PLCH2: variants seen among roughly 807,000 people sequenced by gnomAD.
PLCH2 encodes the protein phospholipase C eta 2.
PLCH2 carries 98 observed loss-of-function variants against 134.7 expected under a neutral mutation model. The observed-to-expected ratio is 0.73, with a 90% CI of 0.62 to 0.86. The LOEUF is 0.86. Among genes scored for constraint, PLCH2 ranks in the 40% least tolerant of loss-of-function variants. PLCH2 has a pLI of 0.00. For missense variants in PLCH2, 1,994 were observed against 1,986.6 expected, an observed-to-expected ratio of 1.00 and a Z score of -0.07; for synonymous variants, 974 against 827.5, an observed-to-expected ratio of 1.18 and a Z score of -3.04.
At chr1:2,476,773 G>A in intron 1 of PLCH2, 61 bp downstream of exon 1, 1 of 1,504,580 alleles carries the variant, frequency 6.6e-7, no homozygotes, top group African/African-American at 1.4e-5. Flanking sequence ...TGACTGGTGG[G>A]TGGGGGCTGT....
upstream of PLCH2, among the ~76,000 whole-genome samples, chr1:2,462,493 C>T (rs1246882815): frequency 1.3e-5 from 2 of 151,562 alleles, no homozygotes; most frequent in Admixed American, 6.6e-5. Context: ...CTGCCTGATG[C>T]GTGGTCTTGT....
At chr1:2,423,454 G>A (rs1382515816), upstream of PLCH2, among the ~76,000 whole-genome samples, 1 of 152,106 alleles carries the variant, frequency 6.6e-6, no homozygotes, top group African/African-American at 2.4e-5. Flanking sequence ...ACCGATACAC[G>A]GAGACAGCAG....
At chr1:2,440,244 G>T (rs376474768) in intron 2 of PLCH2, among the ~76,000 whole-genome samples, 2 of 152,112 alleles carry the variant, frequency 1.3e-5, no homozygotes, top group African/African-American at 4.8e-5. Flanking sequence ...ATCTGGGAGC[G>T]CCCGGGAAGG....
chr1:2,477,225 G>T (rs953065512), intron 1 of PLCH2, among the ~76,000 whole-genome samples: 1 of 152,146 alleles, frequency 6.6e-6, no homozygotes, highest in South Asian at 2.1e-4. Context: ...GGCAGACAGG[G>T]TCCTGTCCAG....
intron 4 of PLCH2, among the ~76,000 whole-genome samples, chr1:2,481,863 G>C (rs977803225): frequency 6.6e-6 from 1 of 152,260 alleles, no homozygotes; most frequent in Non-Finnish European, 1.5e-5. Flanking sequence ...GAAGGAGCCT[G>C]CAGCCAGGCT....
At chr1:2,440,944 G>T (rs1639664447) in intron 2 of PLCH2, among the ~76,000 whole-genome samples, 1 of 152,200 alleles carries the variant, frequency 6.6e-6, no homozygotes, top group South Asian at 2.1e-4. Flanking sequence ...AGGCCACTGA[G>T]CTCCACAACT....
intron 8 of PLCH2, among the ~76,000 whole-genome samples, chr1:2,488,224 T>C (rs1642383873): frequency 6.6e-6 from 1 of 152,120 alleles, no homozygotes; most frequent in Non-Finnish European, 1.5e-5. Flanking sequence ...GAAACAGAAG[T>C]AGATGGGCCT....
chr1:2,502,872 TGGA>T (rs747251693), intron 21 of PLCH2: 32 of 717,056 alleles, frequency 4.5e-5, no homozygotes, highest in South Asian at 1.9e-4. Flanking sequence ...GCTCAAAAGC[TGGA>T]GGAGATCAGG....
chr1:2,474,646 T>C (rs916391600), upstream of PLCH2, among the ~76,000 whole-genome samples: 1 of 152,010 alleles, frequency 6.6e-6, no homozygotes, highest in Non-Finnish European at 1.5e-5. Context: ...GGCCCAGCCT[T>C]GGGGAGCTTC....
chr1:2,487,103 T>TG (rs1642326964), intron 6 of PLCH2, 70 bp from the exon 7 acceptor site: 2 of 1,498,290 alleles, frequency 1.3e-6, no homozygotes, highest in African/African-American at 2.8e-5. Context: ...CTGTGTGGCA[T>TG]GGGGGCAGGT....
At chr1:2,476,034 A>T (rs1641596418), upstream of PLCH2, among the ~76,000 whole-genome samples, 1 of 152,204 alleles carries the variant, frequency 6.6e-6, no homozygotes, top group Non-Finnish European at 1.5e-5. Flanking sequence ...CCCACCCCAC[A>T]CAGGGTCCTC....
chr1:2,497,749 T>G, intron 16 of PLCH2, 140 bp downstream of exon 16: 1 of 574,870 alleles, frequency 1.7e-6, no homozygotes, highest in Non-Finnish European at 3.1e-6. Context: ...AGGGTCAGGT[T>G]GGGACGAAGC....
exon 1 of PLCH2, chr1:2,426,002 T>C (rs572252792): frequency 6.6e-6 from 1 of 152,408 alleles, no homozygotes; most frequent in South Asian, 2.1e-4. Context: ...GGCAGCTTTC[T>C]GTTCTCCCTG....
At chr1:2,485,955 G>A (rs536987913) in intron 5 of PLCH2, among the ~76,000 whole-genome samples, 13 of 152,134 alleles carry the variant, frequency 8.5e-5, no homozygotes, top group Non-Finnish European at 1.8e-4. Context: ...CGTGGCAGCC[G>A]CTTCTCCAGT....
chr1:2,436,578 C>CTCCACCTTTCCTCCT lies in PLCH2; in HGVS notation c.115+5952_115+5953insACCTTTCCTCCTTCC, dbSNP rs200666186. Among the ~76,000 whole-genome samples the CTCCACCTTTCCTCCT allele has an allele frequency of 5.0e-5, 7 of 138,920 alleles. No homozygotes were observed. In the East Asian group the frequency reaches 1.4e-3, roughly 28 times the overall value. The allele number at this position is 138,920 out of a possible 152,430, so 91.1% of individuals were successfully genotyped here. Reference sequence around the variant, plus strand: ...TCCCTCCACCTTTCCTCCTTCCTCCCTCCTCCCTCCTCCCTTCCTCCCTCC... The same window carrying CTCCACCTTTCCTCCT: ...TCCCTCCACCTTTCCTCCTTCCTCCCTCCACCTTTCCTCCTTCCTCCCTCCTCCCTTCCTCCCTCC... On this transcript the variant is annotated intron_variant, in intron 2 of 3. Transcript: ENST00000609981.
At chr1:2,485,440 G>A (rs1358771900) in intron 5 of PLCH2, among the ~76,000 whole-genome samples, 3 of 152,230 alleles carry the variant, frequency 2.0e-5, no homozygotes, top group Non-Finnish European at 4.4e-5. Context: ...AGGAGTGCAG[G>A]TGAGGACCCT....
intron 8 of PLCH2, among the ~76,000 whole-genome samples, chr1:2,488,827 T>C (rs145887217): frequency 1.1e-4 from 16 of 152,350 alleles, no homozygotes; most frequent in African/African-American, 3.8e-4. Flanking sequence ...GGATTCTATT[T>C]CCCAGCCTAT....
chr1:2,466,948 C>T (rs1026352796), upstream of PLCH2, among the ~76,000 whole-genome samples: 1 of 152,082 alleles, frequency 6.6e-6, no homozygotes, highest in Non-Finnish European at 1.5e-5. Flanking sequence ...ACTCGGCCTC[C>T]CCCAACGCTG....
At chr1:2,495,450 C>T in intron 12 of PLCH2, 38 bp from the exon 13 acceptor site, 1 of 1,536,746 alleles carries the variant, frequency 6.5e-7, no homozygotes, top group Non-Finnish European at 8.8e-7. Context: ...TGGCCTGGGC[C>T]AGAGGCCCTA....
Sources: allele counts gnomAD v4.1 joint callset (sites outside exome capture counted in the v4.1 genomes callset), GRCh38; gene constraint gnomAD v4.1.1; transcripts MANE v1.5; gene names NCBI Gene and HGNC (gene_info 2026-07-23, HGNC 2026-07-21).